Variants in PTPRD observed in about 807,000 individuals in gnomAD.
PTPRD encodes the protein receptor-type tyrosine-protein phosphatase delta.
Under a neutral mutation model 214.5 loss-of-function variants are expected in PTPRD, and 34 were observed. The observed-to-expected ratio is 0.16, with a 90% CI of 0.12 to 0.21. The LOEUF (loss-of-function observed/expected upper bound fraction) is 0.21, where lower values mean the gene tolerates loss of function less well. Ranked by LOEUF, PTPRD falls within the 10% of genes least tolerant of loss-of-function variation. The pLI, the probability that PTPRD is intolerant of heterozygous loss-of-function variation, is 1.00. For missense variants in PTPRD, 2,545 were observed against 2,398.7 expected (o/e 1.06, Z -1.27); for synonymous variants, 1,128 against 845.7 (o/e 1.33, Z -5.79).
intron 7 of PTPRD, among the ~76,000 whole-genome samples, chr9:9,729,679 A>C (rs1179546540): frequency 1.3e-5 from 2 of 152,118 alleles, no homozygotes; most frequent in Non-Finnish European, 2.9e-5. Flanking sequence ...GAAACATAAA[A>C]TTAAGGTCCT....
intron 4 of PTPRD, among the ~76,000 whole-genome samples, chr9:9,988,773 T>A (rs1306930873): frequency 1.3e-5 from 2 of 152,030 alleles, no homozygotes; most frequent in African/African-American, 4.8e-5. Context: ...TTAAGATACA[T>A]ACATTTATTT....
intron 11 of PTPRD, among the ~76,000 whole-genome samples, chr9:8,809,344 G>C (rs1276663128): frequency 6.6e-6 from 1 of 152,060 alleles, no homozygotes; most frequent in East Asian, 1.9e-4. Flanking sequence ...AGGTAGCCAG[G>C]GTAGAAATTG....
At chr9:9,779,732 G>C (rs552064016) in intron 5 of PTPRD, among the ~76,000 whole-genome samples, 1 of 152,090 alleles carries the variant, frequency 6.6e-6, no homozygotes, top group Non-Finnish European at 1.5e-5. Flanking sequence ...GGAGAAAAGG[G>C]AGCACCAACT....
At chr9:9,005,454 T>A (rs1201820298) in intron 11 of PTPRD, among the ~76,000 whole-genome samples, 2 of 152,050 alleles carry the variant, frequency 1.3e-5, no homozygotes, top group African/African-American at 4.8e-5. Flanking sequence ...GAGAGGAACA[T>A]CATCATGAAA....
intron 2 of PTPRD, among the ~76,000 whole-genome samples, chr9:10,570,123 T>G (rs113736495): frequency 6.6e-6 from 1 of 152,180 alleles, no homozygotes; most frequent in African/African-American, 2.4e-5. Flanking sequence ...TTAAGGAGAC[T>G]GTTCATGGGT....
At chr9:9,645,641 T>C (rs959426099) in intron 7 of PTPRD, among the ~76,000 whole-genome samples, 1 of 151,914 alleles carries the variant, frequency 6.6e-6, no homozygotes, top group Non-Finnish European at 1.5e-5. Flanking sequence ...GCAACTCATT[T>C]GGATTTTTTC....
chr9:9,563,689 A>T (rs1318797681), intron 8 of PTPRD, among the ~76,000 whole-genome samples: 1 of 152,164 alleles, frequency 6.6e-6, no homozygotes, highest in African/African-American at 2.4e-5. Flanking sequence ...GCAACCATAT[A>T]AACAAAACCA....
chr9:10,368,607 G>C (rs913808285), intron 2 of PTPRD, among the ~76,000 whole-genome samples: 11 of 152,012 alleles, frequency 7.2e-5, no homozygotes, highest in Non-Finnish European at 1.5e-4. Flanking sequence ...CATTGTAATT[G>C]AGTAATTTTA....
At chr9:9,374,190 A>G (rs1245264170) in intron 9 of PTPRD, among the ~76,000 whole-genome samples, 1 of 152,076 alleles carries the variant, frequency 6.6e-6, no homozygotes, top group Non-Finnish European at 1.5e-5. Context: ...TCCATCATAT[A>G]TATAAAATGA....
intron 7 of PTPRD, among the ~76,000 whole-genome samples, chr9:9,633,542 C>A (rs2095660352): frequency 6.6e-6 from 1 of 152,054 alleles, no homozygotes; most frequent in Non-Finnish European, 1.5e-5. Flanking sequence ...GATATTATTT[C>A]TTTATAGCTA....
chr9:8,690,104 T>C (rs1233447720), intron 12 of PTPRD, among the ~76,000 whole-genome samples: 2 of 127,980 alleles, frequency 1.6e-5, no homozygotes, highest in Non-Finnish European at 3.2e-5. Flanking sequence ...CGAGACTCCA[T>C]CTTAAAAAAA....
intron 3 of PTPRD, among the ~76,000 whole-genome samples, chr9:10,271,463 C>G (rs1309734832): frequency 9.5e-6 from 1 of 105,746 alleles, no homozygotes; most frequent in East Asian, 2.5e-4. Context: ...AAAAAATATT[C>G]TTAATTATCT....
intron 9 of PTPRD, among the ~76,000 whole-genome samples, chr9:9,215,081 A>C (rs1028196383): frequency 6.6e-6 from 1 of 152,198 alleles, no homozygotes; most frequent in South Asian, 2.1e-4. Context: ...GTTCCAGTGC[A>C]GGATCAGTTT....
intron 11 of PTPRD, among the ~76,000 whole-genome samples, chr9:8,841,198 C>A (rs1251003656): frequency 6.6e-6 from 1 of 152,160 alleles, no homozygotes; most frequent in Non-Finnish European, 1.5e-5. Context: ...ACCCTGATTA[C>A]CAATGGAGCT....
At chr9:9,493,810 A>G (rs887443709) in intron 8 of PTPRD, among the ~76,000 whole-genome samples, 6 of 149,490 alleles carry the variant, frequency 4.0e-5, no homozygotes, top group Non-Finnish European at 8.9e-5. Context: ...AAAAAAAAAA[A>G]GAAAAGAAAA....
intron 8 of PTPRD, among the ~76,000 whole-genome samples, chr9:9,448,299 C>T (rs568295974): frequency 6.6e-6 from 1 of 152,150 alleles, no homozygotes; most frequent in African/African-American, 2.4e-5. Context: ...AGTCCCCACA[C>T]GAGGAGGGAG....
At chr9:9,831,020 A>C (rs1348691119) in intron 5 of PTPRD, among the ~76,000 whole-genome samples, 1 of 151,956 alleles carries the variant, frequency 6.6e-6, no homozygotes, top group Non-Finnish European at 1.5e-5. Context: ...AATTTAAGAA[A>C]GGAATCCTAA....
chr9:9,480,999 G>C (rs1218118440), intron 8 of PTPRD, among the ~76,000 whole-genome samples: 1 of 152,032 alleles, frequency 6.6e-6, no homozygotes, highest in Non-Finnish European at 1.5e-5. Context: ...GTTATCTGTT[G>C]AAGACATGTA....
intron 13 of PTPRD, among the ~76,000 whole-genome samples, chr9:8,634,750 G>C (rs2096374424): frequency 6.6e-6 from 1 of 151,980 alleles, no homozygotes; most frequent in South Asian, 2.1e-4. Flanking sequence ...GTAGGAAAAG[G>C]TTAAAGCAAC....
Sources: allele counts gnomAD v4.1 joint callset (sites outside exome capture counted in the v4.1 genomes callset), GRCh38; gene constraint gnomAD v4.1.1; transcripts MANE v1.5; gene names NCBI Gene and HGNC (gene_info 2026-07-23, HGNC 2026-07-21).